The following PKD1L1 variants were observed in gnomAD, a reference collection of about 807,000 sequenced individuals.
The protein encoded by PKD1L1 is polycystin-1-like protein 1.
In PKD1L1, 236 loss-of-function variants were observed where a neutral mutation model predicts 323.4. The observed-to-expected ratio is 0.73, with a 90% confidence interval of 0.66 to 0.81. PKD1L1 has a LOEUF of 0.81. Among genes scored for constraint, PKD1L1 ranks in the 40% least tolerant of loss-of-function variants. The probability of loss-of-function intolerance (pLI) is 0.00; values close to 1 mark genes in which losing one functional copy is unlikely to be tolerated. For missense variants in PKD1L1, 3,320 were observed against 3,508.0 expected (o/e 0.95, Z 1.35); for synonymous variants, 1,344 against 1,335.0 (o/e 1.01, Z -0.15).
intron 24 of PKD1L1, among the ~76,000 whole-genome samples, chr7:47,872,678 A>G (rs6950006): frequency 6.6e-6 from 1 of 151,994 alleles, no homozygotes; most frequent in Non-Finnish European, 1.5e-5. Flanking sequence ...GTGAACAAAA[A>G]GACAATAACC....
intron 51 of PKD1L1, chr7:47,809,093 C>G (rs1784841259): frequency 6.4e-6 from 1 of 157,290 alleles, no homozygotes; most frequent in Non-Finnish European, 1.4e-5. Flanking sequence ...AAAGTTTTTT[C>G]TATTTTTAAA....
At position 47,812,630 on chromosome 7, in the gene PKD1L1, C is replaced by T. The variant is rs191258482; in HGVS notation, c.7346+491G>A. On this transcript the variant is annotated intron_variant, in intron 49 of 56. Coordinates refer to ENST00000289672, the MANE Select transcript of PKD1L1 (RefSeq NM_138295.5). ...GAGGTGCATGCTGCTTGGGGAGCCA[C>T]GGGTGGCTGTGGACAACAGTGTGAC... is the stretch of plus-strand genomic sequence containing the variant. 8.1e-4 allele frequency among the ~76,000 whole-genome samples: 123 copies of T among 152,270 alleles called. 1 individual carries two copies. The highest frequency in any genetic ancestry group is 2.6e-3 in the African/African-American group (109 of 41,574).
intron 9 of PKD1L1, among the ~76,000 whole-genome samples, chr7:47,906,876 C>T (rs1393383209): frequency 1.3e-5 from 2 of 150,886 alleles, no homozygotes; most frequent in Admixed American, 1.3e-4. Flanking sequence ...ATTCTGAGCA[C>T]AATCTGATAA....
chr7:47,864,189 G>C (rs1175621749), intron 26 of PKD1L1, among the ~76,000 whole-genome samples: 1 of 152,180 alleles, frequency 6.6e-6, no homozygotes, highest in African/African-American at 2.4e-5. Context: ...CACTCAGATT[G>C]AGATGAGGGA....
chr7:47,940,780 T>C (rs1249824896), intron 2 of PKD1L1, among the ~76,000 whole-genome samples: 1 of 152,176 alleles, frequency 6.6e-6, no homozygotes, highest in African/African-American at 2.4e-5. Flanking sequence ...CTGGCCCTGA[T>C]GGTAGCACGG....
intron 46 of PKD1L1, among the ~76,000 whole-genome samples, chr7:47,820,532 C>T (rs1450170409): frequency 6.6e-6 from 1 of 152,150 alleles, no homozygotes; most frequent in African/African-American, 2.4e-5. Context: ...CAAGACCAGC[C>T]TGACGAACAT....
At chr7:47,937,957 G>A (rs1339651914) in intron 3 of PKD1L1, among the ~76,000 whole-genome samples, 1 of 152,164 alleles carries the variant, frequency 6.6e-6, no homozygotes, top group East Asian at 1.9e-4. Context: ...CACGGCACAG[G>A]AGGAGGGGGG....
intron 52 of PKD1L1, among the ~76,000 whole-genome samples, chr7:47,806,012 G>A (rs924663243): frequency 1.3e-5 from 2 of 152,178 alleles, no homozygotes; most frequent in African/African-American, 4.8e-5. Flanking sequence ...CAGGGAAGAG[G>A]GGCTCTCCCC....
At chr7:47,849,346 A>G (rs1293954843) in intron 31 of PKD1L1, among the ~76,000 whole-genome samples, 1 of 152,214 alleles carries the variant, frequency 6.6e-6, no homozygotes, top group African/African-American at 2.4e-5. Flanking sequence ...AAATAAATAG[A>G]TAGGACCTAG....
chr7:47,838,876 C>CAAAAAAAAAA (rs57858359), intron 36 of PKD1L1, among the ~76,000 whole-genome samples: 17 of 85,240 alleles, frequency 2.0e-4, no homozygotes, highest in South Asian at 5.1e-4. Flanking sequence ...GACTCCATCT[C>CAAAAAAAAAA]AAAAAAAAAA....
At chr7:47,929,715 G>A (rs1294340611) in intron 6 of PKD1L1, among the ~76,000 whole-genome samples, 189 bp from the exon 7 acceptor site, 2 of 152,202 alleles carry the variant, frequency 1.3e-5, no homozygotes, top group Admixed American at 6.5e-5. Context: ...TCACCTGGGC[G>A]CTTGTGAGAC....
intron 33 of PKD1L1, among the ~76,000 whole-genome samples, chr7:47,843,878 T>C (rs1276010067): frequency 1.3e-5 from 2 of 152,190 alleles, no homozygotes; most frequent in South Asian, 4.1e-4. Context: ...TCCCCTAGCA[T>C]TCTGCTCTTT....
At chr7:47,806,429 TG>T (rs1784778938) in intron 52 of PKD1L1, among the ~76,000 whole-genome samples, 2 of 152,154 alleles carry the variant, frequency 1.3e-5, no homozygotes, top group African/African-American at 4.8e-5. Flanking sequence ...TACAGTTACA[TG>T]GGTAAGCCAG....
intron 7 of PKD1L1, among the ~76,000 whole-genome samples, chr7:47,927,691 A>G (rs1787681816): frequency 6.6e-6 from 1 of 152,242 alleles, no homozygotes; most frequent in Non-Finnish European, 1.5e-5. Context: ...TAAAATGTAA[A>G]TTTTAAAACT....
In PKD1L1 at chr7:47,839,517, A is replaced by G. The variant is rs151303259; in HGVS notation, c.5698T>C (p.Ser1900Pro). The change falls in exon 36 of 57, where the codon TCT (serine) becomes CCT (proline). Residue 1900 changes from serine (S) to proline (P), a missense_variant. Ser to Pro is a moderately conservative substitution (Grantham distance 74). Coordinates refer to ENST00000289672, the MANE Select transcript of PKD1L1 (RefSeq NM_138295.5). This position sits in a 1 kb window ranked among gnomAD's most constrained non-coding sequence, Gnocchi z 4.3. ...GWFFPAQCWL[S>P]AGRHDGRVER... Reference sequence around the variant, plus strand: ...ACGCGACCATCATGCCTGCCGGCAGACAGCCAGCACTGGGCAGGGAAGAAC... The same window carrying G: ...ACGCGACCATCATGCCTGCCGGCAGGCAGCCAGCACTGGGCAGGGAAGAAC... The G allele has an allele frequency of 6.2e-7, 1 of 1,612,144 alleles. No individual in the cohort carries two copies. The highest frequency in any genetic ancestry group is 1.3e-5 in the African/African-American group (1 of 74,932).
intron 49 of PKD1L1, among the ~76,000 whole-genome samples, chr7:47,812,712 T>C (rs2128729798): frequency 6.6e-6 from 1 of 152,230 alleles, no homozygotes; most frequent in East Asian, 1.9e-4. Flanking sequence ...GGGGTCGTGC[T>C]TGTTACGCAC....
chr7:47,939,341 A>G (rs1052155279), intron 3 of PKD1L1, among the ~76,000 whole-genome samples: 1 of 152,198 alleles, frequency 6.6e-6, no homozygotes, highest in Non-Finnish European at 1.5e-5. Context: ...ACTGCAGGAG[A>G]GTCTTTGCCA....
chr7:47,960,546 G>A, the PKD1L1 span, among the ~76,000 whole-genome samples: 4 of 151,602 alleles, frequency 2.6e-5, no homozygotes, highest in African/African-American at 9.7e-5. Context: ...CATAAGCTCA[G>A]AACTCTGGAC....
chr7:47,887,739 T>A (rs547555998), intron 17 of PKD1L1, among the ~76,000 whole-genome samples: 4 of 152,130 alleles, frequency 2.6e-5, no homozygotes, highest in Non-Finnish European at 4.4e-5. Flanking sequence ...TACACAGGTG[T>A]TGGGCGCAGC....
Sources: gnomAD v4.1 joint callset for allele counts (sites outside exome capture counted in the v4.1 genomes callset) on GRCh38, gnomAD v4.1.1 for gene constraint, Gnocchi (gnomAD v3.1) non-coding constraint, MANE v1.5 for transcripts, NCBI Gene and HGNC (gene_info 2026-07-23, HGNC 2026-07-21) for gene names.